CTNNA3: variants seen among roughly 807,000 people sequenced by gnomAD.
CTNNA3 encodes catenin alpha 3.
In CTNNA3, 76 loss-of-function variants were observed where a neutral mutation model predicts 95.7. The observed-to-expected ratio is 0.79, with a 90% CI of 0.66 to 0.96. The LOEUF (loss-of-function observed/expected upper bound fraction) is 0.96, where lower values mean the gene tolerates loss of function less well. CTNNA3 is among the 40% of genes least tolerant of loss of function. The probability of loss-of-function intolerance (pLI) is 0.00; values close to 1 mark genes in which losing one functional copy is unlikely to be tolerated. For missense variants in CTNNA3, 1,191 were observed against 1,089.8 expected (o/e 1.09, Z -1.31); for synonymous variants, 431 against 374.4 (o/e 1.15, Z -1.74).
At position 67,571,733 on chromosome 10, in the gene CTNNA3, G is replaced by A. The variant is rs543954829; in HGVS notation, c.293-32064C>T. Among the ~76,000 whole-genome samples the A allele has an allele frequency of 1.4e-4, 21 of 152,290 alleles. 1 individual carries two copies. The South Asian group carries it at 4.4e-3, about 32-fold the overall frequency. On this transcript the variant is annotated intron_variant, in intron 3 of 17. Coordinates refer to ENST00000433211, the MANE Select transcript of CTNNA3 (RefSeq NM_013266.4). ...GAGGGAAGCAGGAGAGGGCAGAGAAGAAGCTGAGAGAAGTTGAACTAAAGC... is the reference window on the plus strand; with the variant it reads ...GAGGGAAGCAGGAGAGGGCAGAGAAAAAGCTGAGAGAAGTTGAACTAAAGC...
At chr10:66,624,091 G>GTT (rs1350995102) in intron 9 of CTNNA3, among the ~76,000 whole-genome samples, 1 of 152,178 alleles carries the variant, frequency 6.6e-6, no homozygotes, top group East Asian at 1.9e-4. Flanking sequence ...GCAAAGCTTT[G>GTT]TTGGTATTCA....
chr10:66,454,760 T>C (rs997498401), intron 11 of CTNNA3, among the ~76,000 whole-genome samples: 1 of 129,510 alleles, frequency 7.7e-6, no homozygotes, highest in African/African-American at 3.0e-5. Flanking sequence ...AAGCCAAAGA[T>C]AGTATAAAAA....
At chr10:66,506,892 A>G (rs1391703279) in intron 11 of CTNNA3, among the ~76,000 whole-genome samples, 1 of 152,176 alleles carries the variant, frequency 6.6e-6, no homozygotes, top group Non-Finnish European at 1.5e-5. Context: ...GAAATTGGTT[A>G]TAATTATATT....
chr10:66,197,623 T>G (rs967645976), intron 13 of CTNNA3, among the ~76,000 whole-genome samples: 1 of 152,192 alleles, frequency 6.6e-6, no homozygotes, highest in African/African-American at 2.4e-5. Flanking sequence ...GTGGACAAGA[T>G]ATCAGATTTC....
intron 9 of CTNNA3, among the ~76,000 whole-genome samples, chr10:66,641,935 T>C (rs985305775): frequency 2.0e-5 from 3 of 152,178 alleles, no homozygotes; most frequent in Non-Finnish European, 4.4e-5. Context: ...TTTGAAATTA[T>C]GAATACAACC....
At chr10:67,312,089 T>TG (rs1840832715) in intron 5 of CTNNA3, among the ~76,000 whole-genome samples, 1 of 151,666 alleles carries the variant, frequency 6.6e-6, no homozygotes, top group Non-Finnish European at 1.5e-5. Context: ...TTTTTTTTTT[T>TG]TGAGACAGAG....
chr10:67,253,782 G>A (rs1000769232), intron 5 of CTNNA3, among the ~76,000 whole-genome samples: 2 of 152,134 alleles, frequency 1.3e-5, no homozygotes, highest in African/African-American at 4.8e-5. Context: ...ACCATGACTG[G>A]CAGAACAAAG....
Position 66,978,552 on chromosome 10 carries a change from A to AAAAAT in CTNNA3, c.1047+201764_1047+201765insATTTT. On this transcript the variant is annotated intron_variant, in intron 7 of 17. Transcript: ENST00000433211. ...AAAAAAAAAAAAAAAAAAAAAAAAA[A>AAAAAT]ATATATATATATATATATAGTATGG... 8.5e-4 allele frequency among the ~76,000 whole-genome samples: 32 copies of AAAAAT among 37,852 alleles called. 1 individual carries two copies. The highest frequency in any genetic ancestry group is 1.6e-3 in the African/African-American group (19 of 11,516). The allele number at this position is 37,852 out of a possible 152,430, so 24.8% of individuals were successfully genotyped here.
chr10:66,938,262 C>G (rs1191196574), intron 7 of CTNNA3, among the ~76,000 whole-genome samples: 4 of 152,006 alleles, frequency 2.6e-5, no homozygotes, highest in African/African-American at 9.7e-5. Flanking sequence ...GACCACTAAA[C>G]AATGTGAGGG....
At chr10:67,211,684 C>T (rs969538387) in intron 6 of CTNNA3, among the ~76,000 whole-genome samples, 1 of 152,102 alleles carries the variant, frequency 6.6e-6, no homozygotes, top group Admixed American at 6.6e-5. Context: ...GATGCATAAA[C>T]AAATAAATGT....
intron 11 of CTNNA3, among the ~76,000 whole-genome samples, chr10:66,383,362 T>C (rs2092858337): frequency 6.6e-6 from 1 of 152,086 alleles, no homozygotes; most frequent in Non-Finnish European, 1.5e-5. Flanking sequence ...GAAGATCAAA[T>C]TAATGAAATA....
intron 16 of CTNNA3, among the ~76,000 whole-genome samples, chr10:65,977,450 T>C (rs1406864639): frequency 6.6e-6 from 1 of 152,198 alleles, no homozygotes; most frequent in Non-Finnish European, 1.5e-5. Context: ...TTAGTATTTT[T>C]TTGCTCATAT....
intron 7 of CTNNA3, among the ~76,000 whole-genome samples, chr10:67,069,551 C>G (rs1219364957): frequency 7.1e-6 from 1 of 141,490 alleles, no homozygotes; most frequent in East Asian, 2.0e-4. Context: ...AGGTGTACAG[C>G]AGCCCGCCCC....
At chr10:66,597,054 T>TA (rs1385965756) in intron 10 of CTNNA3, among the ~76,000 whole-genome samples, 4 of 151,848 alleles carry the variant, frequency 2.6e-5, no homozygotes, top group Non-Finnish European at 5.9e-5. Context: ...AAAAATATAA[T>TA]AGTAAGCTTC....
chr10:67,758,323 TAC>T (rs3059974), intron 1 of CTNNA3, among the ~76,000 whole-genome samples: 31,659 of 143,160 alleles, frequency 0.22, 3,475 homozygotes, highest in African/African-American at 0.26. Context: ...TAAATATATA[TAC>T]ACACACACAC....
rs571546711 is a variant in CTNNA3 at position 65,922,974 on chromosome 10, T to A, written c.2401-2357A>T. ...CAGGGAAAACTGCCTTATAAAACCA[T>A]CGATCTCATGAGAACTCACTATCAC... On this transcript the variant is annotated intron_variant, in intron 17 of 17. Coordinates refer to ENST00000433211, the MANE Select transcript of CTNNA3 (RefSeq NM_013266.4). 5.9e-5 allele frequency among the ~76,000 whole-genome samples: 9 copies of A among 152,078 alleles called. No homozygotes were observed. The South Asian group carries it at 1.9e-3, about 32-fold the overall frequency.
chr10:66,638,400 C>T (rs1046549099), intron 9 of CTNNA3, among the ~76,000 whole-genome samples: 1 of 152,158 alleles, frequency 6.6e-6, no homozygotes, highest in Non-Finnish European at 1.5e-5. Flanking sequence ...TAGAAGCGGA[C>T]TTTAATTGAA....
At chr10:66,119,568 G>C (rs1045071399) in intron 13 of CTNNA3, among the ~76,000 whole-genome samples, 3 of 152,042 alleles carry the variant, frequency 2.0e-5, no homozygotes, top group Non-Finnish European at 4.4e-5. Context: ...AGGGGATTAG[G>C]CTGTGTAATT....
chr10:66,621,715 G>T lies in CTNNA3; in HGVS notation c.1351C>A (p.His451Asn). 1 of 1,609,884 alleles carries T rather than the reference G, an allele frequency of 6.2e-7. No homozygotes were observed. The highest frequency in any genetic ancestry group is 1.1e-5 in the South Asian group (1 of 90,434). Residue 451 changes from histidine (H) to asparagine (N), a missense_variant, in exon 10 of 18, where the codon CAT becomes AAT. Coordinates refer to ENST00000433211, the MANE Select transcript of CTNNA3 (RefSeq NM_013266.4). ...GIKIVKIAAN[H>N]LETLCPQIIN... ...ACCTGTGGACACAAGGTTTCCAAAT[G>T]ATTGGCTGCAATTTTGACAATTTTA...
Sources: gnomAD v4.1 joint callset for allele counts (sites outside exome capture counted in the v4.1 genomes callset) on GRCh38, gnomAD v4.1.1 for gene constraint, MANE v1.5 for transcripts, NCBI Gene and HGNC (gene_info 2026-07-23, HGNC 2026-07-21) for gene names.